The following NOXRED1 variants were observed in gnomAD, a reference collection of about 807,000 sequenced individuals.
NOXRED1 encodes the protein NADP dependent oxidoreductase domain containing 1.
Under a neutral mutation model 30.4 loss-of-function variants are expected in NOXRED1, and 20 were observed. The observed-to-expected ratio is 0.66, with a 90% confidence interval of 0.46 to 0.96. NOXRED1 has a LOEUF of 0.96. Among genes scored for constraint, NOXRED1 ranks in the 40% least tolerant of loss-of-function variants. NOXRED1 has a pLI of 0.00. For synonymous variants in NOXRED1, 155 were observed against 168.0 expected (o/e 0.92, Z 0.60); for missense variants, 374 against 428.0 (o/e 0.87, Z 1.11).
intron 2 of NOXRED1, among the ~76,000 whole-genome samples, chr14:77,408,987 C>G (rs1894566686): frequency 0.071 from 2 of 28 alleles, no homozygotes; most frequent in Non-Finnish European, 0.11. Context: ...CTGCCATAGC[C>G]TCCCAAATGT....
chr14:77,415,465 A>G (rs176772), intron 1 of NOXRED1, among the ~76,000 whole-genome samples: 73,251 of 151,810 alleles, frequency 0.48, 18,965 homozygotes, highest in East Asian at 0.94. Context: ...TGCTACTCAG[A>G]AGGCTGAGGC....
chr14:77,422,756 CAGA>C lies in NOXRED1; in HGVS notation c.131_133del (p.Phe44del), dbSNP rs1433438919. 3.1e-6 allele frequency: 5 copies of C among 1,614,120 alleles called. No homozygotes were observed. In the East Asian group the frequency reaches 8.9e-5, roughly 29 times the overall value. The stretch of plus-strand genomic sequence containing the variant: ...TTACCTCAAATTATATAATAGTTTG[CAGA>C]AGAAGGTTGCATGGGCACAAGCCTC... On this transcript the variant is annotated inframe_deletion, in exon 1 of 6. Transcript: ENST00000380835.
At chr14:77,403,938 G>C (rs921372463) in intron 5 of NOXRED1, among the ~76,000 whole-genome samples, 2 of 152,142 alleles carry the variant, frequency 1.3e-5, no homozygotes, top group African/African-American at 4.8e-5. Flanking sequence ...GCCCGACCCT[G>C]CTTAGCTTCT....
intron 5 of NOXRED1, among the ~76,000 whole-genome samples, chr14:77,400,433 A>G (rs1172495610): frequency 1.3e-5 from 2 of 152,234 alleles, no homozygotes; most frequent in East Asian, 3.8e-4. Context: ...ACACAGCCTC[A>G]GGAGGTTCTG....
rs117998269 is a variant in NOXRED1, at chr14:77,399,475, A to G, written c.906-4670T>C. Among the ~76,000 whole-genome samples, 1,064 of 152,302 alleles carry G rather than the reference A, an allele frequency of 7.0e-3. 19 individuals are homozygous for G. The highest frequency in any genetic ancestry group is 0.037 in the South Asian group (180 of 4,828). ...AAAAAATAAAATAACTATGACTAAT[A>G]TGCTAAAGGATCTAATGGATAAAGT... On this transcript the variant is annotated intron_variant, in intron 5 of 5. Transcript: ENST00000380835.
At chr14:77,416,283 G>A (rs1057341920) in intron 1 of NOXRED1, among the ~76,000 whole-genome samples, 1 of 152,184 alleles carries the variant, frequency 6.6e-6, no homozygotes, top group Non-Finnish European at 1.5e-5. Flanking sequence ...GGACAATAGC[G>A]TGGGAAGGTC....
At position 77,414,136 on chromosome 14, in the gene NOXRED1, T is replaced by G. The variant is rs1278668824; in HGVS notation, c.156-9A>C. 3 of 1,563,832 alleles carry G rather than the reference T, an allele frequency of 1.9e-6. No homozygotes were observed. In the African/African-American group the frequency reaches 4.1e-5, roughly 21 times the overall value. ...TCTTATTTAATGATGCTCTGGAGAATGAACACACAGACACGTACATAAATA... is the reference window on the plus strand; with the variant it reads ...TCTTATTTAATGATGCTCTGGAGAAGGAACACACAGACACGTACATAAATA... On this transcript the variant is annotated splice_polypyrimidine_tract_variant and intron_variant, in intron 1 of 5. Transcript: ENST00000380835.
At position 77,401,719 on chromosome 14, in the gene NOXRED1, A is replaced by G. The variant is rs78781328; in HGVS notation, c.905+4194T>C. On this transcript the variant is annotated intron_variant, in intron 5 of 5. Transcript: ENST00000380835. ...AGACCTTGTCTCAACAACAAACAAGACTCAGAATAGCCAACTCAGTATTGA... is the reference window on the plus strand; with the variant it reads ...AGACCTTGTCTCAACAACAAACAAGGCTCAGAATAGCCAACTCAGTATTGA... Among the ~76,000 whole-genome samples, 771 of 152,296 alleles carry G rather than the reference A, an allele frequency of 5.1e-3. 7 individuals carry two copies. The highest frequency in any genetic ancestry group is 0.018 in the African/African-American group (733 of 41,546).
chr14:77,405,319 C>T (rs916402189), intron 5 of NOXRED1, among the ~76,000 whole-genome samples: 1 of 152,112 alleles, frequency 6.6e-6, no homozygotes. Context: ...CACTTAAAGC[C>T]GGGAGGCAGA....
At chr14:77,410,042 A>T (rs1482881684) in intron 2 of NOXRED1, among the ~76,000 whole-genome samples, 1 of 151,932 alleles carries the variant, frequency 6.6e-6, no homozygotes, top group African/African-American at 2.4e-5. Context: ...GCCTCAAGTG[A>T]TGCAGCTGAC....
chr14:77,403,011 G>A (rs947106404), intron 5 of NOXRED1, among the ~76,000 whole-genome samples: 3 of 151,944 alleles, frequency 2.0e-5, no homozygotes, highest in Admixed American at 1.3e-4. Context: ...CTCCAGCTTG[G>A]GCAACAGAAG....
intron 5 of NOXRED1, among the ~76,000 whole-genome samples, chr14:77,400,870 A>G (rs1358735110): frequency 6.6e-6 from 1 of 152,128 alleles, no homozygotes; most frequent in African/African-American, 2.4e-5. Flanking sequence ...TATAAATCAA[A>G]TGAAATATGT....
At chr14:77,406,190 G>A (rs1894453658) in intron 4 of NOXRED1, 55 bp from the exon 5 acceptor site, 30 of 1,275,838 alleles carry the variant, frequency 2.4e-5, no homozygotes, top group Non-Finnish European at 3.4e-5. Context: ...ATGAGTTGCA[G>A]AAAACCTAGA....
At chr14:77,416,785 A>G (rs1894836966) in intron 1 of NOXRED1, among the ~76,000 whole-genome samples, 1 of 151,068 alleles carries the variant, frequency 6.6e-6, no homozygotes, top group Non-Finnish European at 1.5e-5. Flanking sequence ...GCGGCCGGGC[A>G]GAGGCGCCCC....
intron 5 of NOXRED1, among the ~76,000 whole-genome samples, chr14:77,397,900 T>A (rs1022043068): frequency 1.6e-4 from 22 of 137,916 alleles, no homozygotes; most frequent in African/African-American, 3.8e-4. Context: ...AAAAAAAAAA[T>A]ACTTGAATTC....
At chr14:77,395,284 T>G (rs1263593957) in intron 5 of NOXRED1, among the ~76,000 whole-genome samples, 1 of 151,814 alleles carries the variant, frequency 6.6e-6, no homozygotes, top group East Asian at 1.9e-4. Flanking sequence ...TTTTTTGTAT[T>G]TTTAGTAGAT....
chr14:77,421,756 G>A (rs913622224), intron 1 of NOXRED1, among the ~76,000 whole-genome samples: 2 of 152,184 alleles, frequency 1.3e-5, no homozygotes, highest in Non-Finnish European at 2.9e-5. Flanking sequence ...CTATATGACA[G>A]CCTTATATTT....
At chr14:77,395,386 G>A (rs995987552) in intron 5 of NOXRED1, among the ~76,000 whole-genome samples, 17 of 151,974 alleles carry the variant, frequency 1.1e-4, no homozygotes, top group Admixed American at 2.6e-4. Flanking sequence ...GATTACAGGC[G>A]TGAGCCACTG....
intron 5 of NOXRED1, among the ~76,000 whole-genome samples, chr14:77,399,406 T>C (rs956946951): frequency 2.0e-5 from 3 of 152,106 alleles, no homozygotes; most frequent in Admixed American, 2.0e-4. Flanking sequence ...GCAGTGATCA[T>C]GCCACTGCAC....
Sources: allele counts gnomAD v4.1 joint callset (sites outside exome capture counted in the v4.1 genomes callset), GRCh38; gene constraint gnomAD v4.1.1; transcripts MANE v1.5; gene names NCBI Gene and HGNC (gene_info 2026-07-23, HGNC 2026-07-21).